CTNNA3: variants seen among roughly 807,000 people sequenced by gnomAD.
The protein encoded by CTNNA3 is catenin alpha-3.
Under a neutral mutation model 95.7 loss-of-function variants are expected in CTNNA3, and 76 were observed. That is an observed-to-expected ratio of 0.79 (90% CI 0.66 to 0.96). The LOEUF (loss-of-function observed/expected upper bound fraction) is 0.96, where lower values mean the gene tolerates loss of function less well. Among genes scored for constraint, CTNNA3 ranks in the 40% least tolerant of loss-of-function variants. CTNNA3 has a pLI of 0.00. For synonymous variants in CTNNA3, 431 were observed against 374.4 expected (o/e 1.15, Z -1.74); for missense variants, 1,191 against 1,089.8 (o/e 1.09, Z -1.31).
At chr10:67,225,142 C>T (rs1010219980) in intron 5 of CTNNA3, among the ~76,000 whole-genome samples, 3 of 152,118 alleles carry the variant, frequency 2.0e-5, no homozygotes, top group Admixed American at 2.0e-4. Context: ...TCAGGAGAGG[C>T]AGCCATAATC....
chr10:67,205,550 T>C (rs1415418324), intron 6 of CTNNA3, among the ~76,000 whole-genome samples: 1 of 152,172 alleles, frequency 6.6e-6, no homozygotes, highest in African/African-American at 2.4e-5. Context: ...CTCAATTTCC[T>C]TTCCATAAAG....
intron 9 of CTNNA3, among the ~76,000 whole-genome samples, chr10:66,687,620 G>A (rs2132523982): frequency 6.6e-6 from 1 of 151,920 alleles, no homozygotes; most frequent in East Asian, 1.9e-4. Flanking sequence ...GGGCCAAGCA[G>A]GATATGAACT....
At chr10:67,483,525 C>A (rs1010728307) in intron 5 of CTNNA3, among the ~76,000 whole-genome samples, 18 of 151,234 alleles carry the variant, frequency 1.2e-4, no homozygotes, top group African/African-American at 4.4e-4. Context: ...GGACAAAAAA[C>A]CAAACACCGC....
intron 7 of CTNNA3, among the ~76,000 whole-genome samples, chr10:67,165,030 A>C (rs1474415528): frequency 1.3e-5 from 2 of 152,194 alleles, no homozygotes; most frequent in Non-Finnish European, 2.9e-5. Context: ...AGAAATTAAA[A>C]TTTATGACTA....
chr10:67,636,528 C>G (rs1000501197), intron 2 of CTNNA3, among the ~76,000 whole-genome samples: 4 of 152,100 alleles, frequency 2.6e-5, no homozygotes, highest in Non-Finnish European at 5.9e-5. Context: ...AACCTACAAC[C>G]ATCTGATCTT....
intron 13 of CTNNA3, among the ~76,000 whole-genome samples, chr10:66,219,446 G>A (rs1325355650): frequency 6.6e-6 from 1 of 152,126 alleles, no homozygotes; most frequent in African/African-American, 2.4e-5. Context: ...AGTATAGTGT[G>A]TCACTGCTGA....
chr10:67,725,983 A>G (rs1841209962), intron 1 of CTNNA3, among the ~76,000 whole-genome samples: 1 of 137,964 alleles, frequency 7.2e-6, no homozygotes, highest in Non-Finnish European at 1.5e-5. Context: ...TATATACTAT[A>G]TACTATATAT....
chr10:67,394,964 T>C (rs778481569), intron 5 of CTNNA3, among the ~76,000 whole-genome samples: 7 of 152,114 alleles, frequency 4.6e-5, no homozygotes, highest in Non-Finnish European at 1.0e-4. Context: ...TTATTCACCA[T>C]CAACAAAAAG....
intron 12 of CTNNA3, among the ~76,000 whole-genome samples, chr10:66,330,482 T>G (rs550223992): frequency 6.6e-6 from 1 of 152,210 alleles, no homozygotes; most frequent in African/African-American, 2.4e-5. Flanking sequence ...GTTGGACATT[T>G]GGGTTGGTTC....
chr10:66,649,988 A>T (rs1008936515), intron 9 of CTNNA3, among the ~76,000 whole-genome samples: 6 of 152,120 alleles, frequency 3.9e-5, no homozygotes, highest in African/African-American at 1.4e-4. Context: ...CCAGATTAGC[A>T]CTCCTGGTCT....
intron 12 of CTNNA3, among the ~76,000 whole-genome samples, chr10:66,361,077 C>T (rs573272358): frequency 5.2e-4 from 78 of 151,296 alleles, no homozygotes; most frequent in Non-Finnish European, 1.0e-3. Context: ...CTACCTCAGC[C>T]TCCTGAGTAG....
rs567732355 is a variant in CTNNA3 at position 66,887,881 on chromosome 10, G to T, written c.1048-112357C>A. ...AGGAAGGAGGTTACTCTCCCTGGAG[G>T]CTGGAGTTCAAGGTTACGTGAGATG... On this transcript the variant is annotated intron_variant, in intron 7 of 17. Coordinates refer to ENST00000433211, the MANE Select transcript of CTNNA3 (RefSeq NM_013266.4). 9.2e-5 allele frequency among the ~76,000 whole-genome samples: 14 copies of T among 152,232 alleles called. No individual in the cohort carries two copies. The South Asian group carries it at 2.7e-3, about 29-fold the overall frequency.
At chr10:66,019,712 ATAAAAGAAATGG>A in intron 15 of CTNNA3, among the ~76,000 whole-genome samples, 1 of 150,764 alleles carries the variant, frequency 6.6e-6, no homozygotes, top group South Asian at 2.1e-4. Flanking sequence ...CAAAATTTAA[ATAAAAGAAATGG>A]GCAAAAAAAA....
rs1841416204 is a variant in CTNNA3, at chr10:66,530,141, A to C, written c.1375-9368T>G. On this transcript the variant is annotated intron_variant, in intron 10 of 17. Transcript: ENST00000433211. ...TTGGCATTGATACAAATAATCTTAA[A>C]AATTTTACTTAATATAACAAAAGCA... Among the ~76,000 whole-genome samples, 4 of 152,344 alleles carry C rather than the reference A, an allele frequency of 2.6e-5. No individual in the cohort carries two copies. In the South Asian group the frequency reaches 8.3e-4, roughly 32 times the overall value.
At position 66,989,033 on chromosome 10, in the gene CTNNA3, A is replaced by C. The variant is rs1850890881; in HGVS notation, c.1047+191284T>G. The stretch of plus-strand genomic sequence containing the variant: ...AAAATCCCTTTTCTACCTCTCTTTT[A>C]TCAGTCTCGTTACCTCTCATAGCAA... On this transcript the variant is annotated intron_variant, in intron 7 of 17. Transcript: ENST00000433211. 2.0e-5 allele frequency among the ~76,000 whole-genome samples: 3 copies of C among 151,188 alleles called. No homozygotes were observed. In the South Asian group the frequency reaches 6.3e-4, roughly 32 times the overall value.
intron 17 of CTNNA3, among the ~76,000 whole-genome samples, chr10:65,946,357 A>C (rs1310863961): frequency 3.9e-5 from 6 of 152,102 alleles, no homozygotes. Flanking sequence ...GCTTTAAATA[A>C]AATTACAAAC....
In CTNNA3 at chr10:66,480,690, C is replaced by T. The variant is rs767481528; in HGVS notation, c.1531+39927G>A. Among the ~76,000 whole-genome samples the T allele has an allele frequency of 1.1e-4, 17 of 152,078 alleles. 1 individual carries two copies. The highest frequency in any genetic ancestry group is 2.4e-4 in the Non-Finnish European group (16 of 68,000). On this transcript the variant is annotated intron_variant, in intron 11 of 17. Coordinates refer to ENST00000433211, the MANE Select transcript of CTNNA3 (RefSeq NM_013266.4). ...CGCAATCTCGGCTCACTGCAACCTC[C>T]GTCTCACAGGTTCAGCTGATTGTCC...
chr10:66,687,718 TAC>T (rs60736695), intron 9 of CTNNA3, among the ~76,000 whole-genome samples: 1 of 143,050 alleles, frequency 7.0e-6, no homozygotes, highest in Non-Finnish European at 1.5e-5. Flanking sequence ...TATATATATA[TAC>T]ACACACACAC....
chr10:66,609,776 C>G (rs1379651178), intron 10 of CTNNA3, among the ~76,000 whole-genome samples: 2 of 152,068 alleles, frequency 1.3e-5, no homozygotes, highest in East Asian at 3.9e-4. Flanking sequence ...ATAAGTCATT[C>G]TATCATAAAG....
Sources: allele counts gnomAD v4.1 joint callset (sites outside exome capture counted in the v4.1 genomes callset), GRCh38; gene constraint gnomAD v4.1.1; transcripts MANE v1.5; gene names NCBI Gene and HGNC (gene_info 2026-07-23, HGNC 2026-07-21).